WDR1: variants seen among roughly 807,000 people sequenced by gnomAD.
WDR1 encodes WD repeat domain 1, also known as WD repeat-containing protein 1.
WDR1 carries 21 observed loss-of-function variants against 71.9 expected under a neutral mutation model. The ratio of observed to expected loss-of-function variants is 0.29; its 90% CI spans 0.21 to 0.42. WDR1 has a LOEUF of 0.42. Among genes scored for constraint, WDR1 ranks in the 10% least tolerant of loss-of-function variants. The pLI, the probability that WDR1 is intolerant of heterozygous loss-of-function variation, is 1.00. For synonymous variants in WDR1, 424 were observed against 347.4 expected, an observed-to-expected ratio of 1.22 and a Z score of -2.45; for missense variants, 696 against 824.5, an observed-to-expected ratio of 0.84 and a Z score of 1.91.
chr4:10,077,346 C>G lies in WDR1; in HGVS notation c.1672G>C (p.Val558Leu). ...ASGGMDMMVY[V>L]WTLSDPETRV... ...GTTTCCGGGTCACTCAGGGTCCAAA[C>G]ATACACCATCATGTCCATGCCACCG... Residue 558 changes from valine to leucine, a missense_variant, in exon 14 of 15, where the codon GTT (valine) becomes CTT (leucine). By Grantham distance (32) the Val-to-Leu change is conservative. Transcript: ENST00000499869. The G allele has an allele frequency of 6.2e-7, 1 of 1,614,036 alleles. No homozygotes were observed. Among genetic ancestry groups the G allele is most frequent in the Non-Finnish European group, 8.5e-7 (1 of 1,179,878 alleles).
intron 9 of WDR1, among the ~76,000 whole-genome samples, chr4:10,083,382 G>C (rs1189511422): frequency 1.3e-5 from 2 of 152,180 alleles, no homozygotes; most frequent in Non-Finnish European, 1.5e-5. Flanking sequence ...ACCACACAGG[G>C]ATTGGGATGA....
chr4:10,095,201 G>C (rs1026420100), intron 5 of WDR1, among the ~76,000 whole-genome samples: 2 of 152,258 alleles, frequency 1.3e-5, no homozygotes, highest in African/African-American at 4.8e-5. Context: ...GGAGGCAAAG[G>C]CAGCCCAGAC....
At position 10,075,559 on chromosome 4, in the gene WDR1, G is replaced by C. The variant is rs536458954; in HGVS notation, c.1715-75C>G. ...ATGTACATCTTGGACTAGGAAGATG[G>C]AACAACCTGTGCCTAAATCATCTCC... On this transcript the variant is annotated intron_variant, in intron 14 of 14. Coordinates refer to ENST00000499869, the MANE Select transcript of WDR1 (RefSeq NM_017491.5). The C allele has an allele frequency of 4.9e-5, 67 of 1,365,136 alleles. No individual in the cohort carries two copies. In the African/African-American group the frequency reaches 8.3e-4, roughly 17 times the overall value. 84.6% of individuals were successfully genotyped at this position (1,365,136 alleles called of 1,614,324 possible).
intron 2 of WDR1, among the ~76,000 whole-genome samples, chr4:10,109,762 A>G (rs1175928944): frequency 1.3e-5 from 2 of 152,212 alleles, no homozygotes; most frequent in Non-Finnish European, 2.9e-5. Context: ...TTGCAAAGGT[A>G]GACCTGGGGG....
chr4:10,116,351 G>A (rs1713729669), intron 1 of WDR1, 117 bp from the exon 2 acceptor site: 3 of 1,452,764 alleles, frequency 2.1e-6, no homozygotes, highest in Non-Finnish European at 2.8e-6. Context: ...CGCCGGGAGG[G>A]CGGCCTCCAC....
rs372937303 is a variant in WDR1, at chr4:10,116,240, G to A, written c.17-6C>T. The A allele has an allele frequency of 6.8e-6, 11 of 1,613,248 alleles. No homozygotes were observed. The Admixed American group carries it at 1.0e-4, about 15-fold the overall frequency. On this transcript the variant is annotated splice_region_variant and splice_polypyrimidine_tract_variant and intron_variant, in intron 1 of 14. Coordinates refer to ENST00000499869, the MANE Select transcript of WDR1 (RefSeq NM_017491.5). The stretch of plus-strand genomic sequence containing the variant: ...GAGGCTGGCGAACACCTTCTCTGCG[G>A]AGACACAAATGCGGCGGGGCATGTC...
chr4:10,101,725 C>T (rs879707728), intron 3 of WDR1, among the ~76,000 whole-genome samples: 6 of 152,218 alleles, frequency 3.9e-5, no homozygotes, highest in Non-Finnish European at 5.9e-5. Context: ...GGCCTGGGCC[C>T]GCAGGTTCTC....
intron 13 of WDR1, 97 bp from the exon 14 acceptor site, chr4:10,077,545 G>C (rs1477073718): frequency 6.4e-7 from 1 of 1,571,964 alleles, no homozygotes; most frequent in East Asian, 2.2e-5. Context: ...AATAAGGACC[G>C]AGGTTTCTCA....
Position 10,075,348 on chromosome 4 carries a change from C to A in WDR1, c.*30G>T. On this transcript the variant is annotated 3_prime_UTR_variant, in exon 15 of 15. Transcript: ENST00000499869. ...TGCAGTTAAACTCTAGTCCCTGATT[C>A]GGTCCATCCAGAGGCGGGGGTGGGG... 1 of 1,595,742 alleles carries A rather than the reference C, an allele frequency of 6.3e-7. No homozygotes were observed. The highest frequency in any genetic ancestry group is 1.3e-5 in the African/African-American group (1 of 74,488).
Position 10,079,021 on chromosome 4 carries a change from C to A in WDR1, c.1285-20G>T, listed in dbSNP as rs997514326. ...GACAATCTGTGGCACACACAGGCAG[C>A]TGGTCAGGCGGTCCAGCCCTTCGGG... On this transcript the variant is annotated intron_variant, in intron 11 of 14. Transcript: ENST00000499869. 7 of 1,577,436 alleles carry A rather than the reference C, an allele frequency of 4.4e-6. No homozygotes were observed. The highest frequency in any genetic ancestry group is 6.0e-6 in the Non-Finnish European group (7 of 1,157,480).
chr4:10,103,802 C>CCCCCCCCCCA, intron 3 of WDR1, 94 bp downstream of exon 3: 7 of 710,064 alleles, frequency 9.9e-6, no homozygotes, highest in Non-Finnish European at 1.1e-5. Flanking sequence ...TCCCTCCTCC[C>CCCCCCCCCCA]ACTCTCCCAA....
At chr4:10,088,570 G>T in intron 6 of WDR1, 94 bp downstream of exon 6, 2 of 1,226,598 alleles carry the variant, frequency 1.6e-6, no homozygotes, top group Middle Eastern at 1.8e-4. Context: ...AGTTCTGCAT[G>T]TCAGGACTAG....
In WDR1 at chr4:10,074,993, A is replaced by G. The variant is rs1764743184; in HGVS notation, c.*385T>C. 2 of 287,996 alleles carry G rather than the reference A, an allele frequency of 6.9e-6. No homozygotes were observed. The highest frequency in any genetic ancestry group is 9.6e-5 in the Admixed American group (2 of 20,886). The allele number at this position is 287,996 out of a possible 1,614,324, so 17.8% of individuals were successfully genotyped here. ...GAAATGTTCTGCAGGCAGGAACATG[A>G]GCCCCCCGGCTCATTCACCTGTACA... On this transcript the variant is annotated 3_prime_UTR_variant, in exon 15 of 15. Coordinates refer to ENST00000499869, the MANE Select transcript of WDR1 (RefSeq NM_017491.5).
intron 5 of WDR1, among the ~76,000 whole-genome samples, chr4:10,095,518 G>A (rs1232647192): frequency 3.9e-5 from 6 of 152,138 alleles, no homozygotes; most frequent in South Asian, 2.1e-4. Flanking sequence ...CAGCCTGCAC[G>A]CGCTCCCTTT....
intron 5 of WDR1, among the ~76,000 whole-genome samples, chr4:10,097,431 G>C (rs928976810): frequency 6.6e-6 from 1 of 152,332 alleles, no homozygotes; most frequent in East Asian, 1.9e-4. Flanking sequence ...CTGGTTACAC[G>C]GTCAGGGACA....
Position 10,116,726 on chromosome 4 carries a change from C to T in WDR1, c.-60G>A, listed in dbSNP as rs34768406. On this transcript the variant is annotated 5_prime_UTR_variant, in exon 1 of 15. Transcript: ENST00000499869. ...GAGCCTCCGGGGCCGGCCCGCGCTG[C>T]GAATTACACCTCGCCGAGGCCGAGC... 5.4e-6 allele frequency: 7 copies of T among 1,297,112 alleles called. No individual in the cohort carries two copies. Among genetic ancestry groups the T allele is most frequent in the Non-Finnish European group, 6.9e-6 (7 of 1,020,840 alleles). The allele number at this position is 1,297,112 out of a possible 1,614,324, so 80.4% of individuals were successfully genotyped here. A position where few individuals can be genotyped will look rare whatever the true frequency, so the allele number is the denominator to read the frequency against.
rs1312812452 is a variant in WDR1, at chr4:10,095,507, C to CTGAGGA, written c.558+2203_558+2204insTCCTCA. On this transcript the variant is annotated intron_variant, in intron 5 of 14. Coordinates refer to ENST00000499869, the MANE Select transcript of WDR1 (RefSeq NM_017491.5). ...GCACTCACACCTCCTCTCACTTCCC[C>CTGAGGA]CAGCCTGCACGCGCTCCCTTTGTCT... Among the ~76,000 whole-genome samples, 21 of 152,312 alleles carry CTGAGGA rather than the reference C, an allele frequency of 1.4e-4. No individual in the cohort carries two copies. In the East Asian group the frequency reaches 4.1e-3, roughly 29 times the overall value.
Position 10,088,409 on chromosome 4 carries a change from G to A in WDR1, c.637-36C>T, listed in dbSNP as rs908975749. The A allele has an allele frequency of 7.8e-6, 12 of 1,535,132 alleles. No individual in the cohort carries two copies. In the Admixed American group the frequency reaches 7.8e-5, roughly 10 times the overall value. Reference sequence around the variant, plus strand: ...ATAAAAACATGTGGGTCATGTGTGTGTGAACACCCTCTGGAGTAAGCAGTT... The same window carrying A: ...ATAAAAACATGTGGGTCATGTGTGTATGAACACCCTCTGGAGTAAGCAGTT... On this transcript the variant is annotated intron_variant, in intron 6 of 14. Transcript: ENST00000499869.
chr4:10,103,611 C>T (rs1332257597), intron 3 of WDR1, among the ~76,000 whole-genome samples: 1 of 152,198 alleles, frequency 6.6e-6, no homozygotes, highest in African/African-American at 2.4e-5. Flanking sequence ...AAAAACCTCA[C>T]GTTTTAAAAA....
Sources: allele counts gnomAD v4.1 joint callset (sites outside exome capture counted in the v4.1 genomes callset), GRCh38; gene constraint gnomAD v4.1.1; transcripts MANE v1.5; gene names NCBI Gene and HGNC (gene_info 2026-07-23, HGNC 2026-07-21).